NFAT5: variants seen among roughly 807,000 people sequenced by gnomAD.
NFAT5 encodes the protein nuclear factor of activated T cells 5.
Under a neutral mutation model 166.5 loss-of-function variants are expected in NFAT5, and 31 were observed. That is an observed-to-expected ratio of 0.19 (90% CI 0.14 to 0.25). NFAT5 has a LOEUF of 0.25. Among genes scored for constraint, NFAT5 ranks in the 10% least tolerant of loss-of-function variants. NFAT5 has a pLI of 1.00. For missense variants in NFAT5, 1,449 were observed against 1,821.8 expected, an observed-to-expected ratio of 0.80 and a Z score of 3.72; for synonymous variants, 612 against 639.7, an observed-to-expected ratio of 0.96 and a Z score of 0.65.
Position 69,623,006 on chromosome 16 carries a change from A to G in NFAT5, c.128-3397A>G, listed in dbSNP as rs541896723. Among the ~76,000 whole-genome samples, 10 of 152,236 alleles carry G rather than the reference A, an allele frequency of 6.6e-5. No homozygotes were observed. The South Asian group carries it at 1.9e-3, about 28-fold the overall frequency. On this transcript the variant is annotated intron_variant, in intron 2 of 14. Coordinates refer to ENST00000349945, the MANE Select transcript of NFAT5 (RefSeq NM_138713.4). ...ATTAAGAATACAAAATTAGCCAGGC[A>G]TAGTGGTGTATGCCTATAATCTCAG... is the stretch of plus-strand genomic sequence containing the variant.
intron 11 of NFAT5, among the ~76,000 whole-genome samples, chr16:69,688,217 A>AAAAAAAAAC: frequency 6.8e-6 from 1 of 147,306 alleles, no homozygotes; most frequent in African/African-American, 2.5e-5. Flanking sequence ...AAAAAAAAAA[A>AAAAAAAAAC]AAAAAAAAAC....
rs756012319 is a variant in NFAT5 at position 69,690,954 on chromosome 16, G to A, written c.1789G>A (p.Gly597Arg). The stretch of plus-strand genomic sequence containing the variant: ...TGTATATGCAGCAATGAAAACTACT[G>A]GATGTAATTTAGATAAGGTAAATAT... Reference protein sequence around the residue: ...EEAMKAMKTTGCNLDKVNIIP... With the variant: ...EEAMKAMKTTRCNLDKVNIIP... The change falls in exon 12 of 15, where the codon GGA becomes AGA. Residue 597 changes from glycine to arginine, a missense_variant. Gly to Arg is a moderately radical substitution (Grantham distance 125). Coordinates refer to ENST00000349945, the MANE Select transcript of NFAT5 (RefSeq NM_138713.4). The A allele has an allele frequency of 6.4e-7, 1 of 1,564,808 alleles. No individual in the cohort carries two copies. The highest frequency in any genetic ancestry group is 1.3e-5 in the South Asian group (1 of 79,792).
chr16:69,594,723 CTATTG>C (rs560226453), intron 2 of NFAT5, among the ~76,000 whole-genome samples: 2 of 152,086 alleles, frequency 1.3e-5, no homozygotes, highest in African/African-American at 4.8e-5. Context: ...ATAATAATAA[CTATTG>C]TATTGTCAGG....
chr16:69,593,218 CT>C (rs754882022), intron 2 of NFAT5, among the ~76,000 whole-genome samples: 2 of 152,086 alleles, frequency 1.3e-5, no homozygotes, highest in African/African-American at 2.4e-5. Context: ...TACTGAGTTT[CT>C]GTCTTTATCT....
chr16:69,580,652 A>G (rs1349327304), intron 2 of NFAT5, among the ~76,000 whole-genome samples: 2 of 152,132 alleles, frequency 1.3e-5, no homozygotes, highest in East Asian at 1.9e-4. Context: ...TTTAGGATGA[A>G]ATCCAAATTC....
chr16:69,580,978 G>C (rs552843333), intron 2 of NFAT5, among the ~76,000 whole-genome samples: 14 of 152,054 alleles, frequency 9.2e-5, no homozygotes, highest in Non-Finnish European at 1.8e-4. Context: ...TTAAAACCTG[G>C]GTCCTCATTA....
At chr16:69,681,560 T>C (rs1254216708) in intron 10 of NFAT5, among the ~76,000 whole-genome samples, 2 of 152,178 alleles carry the variant, frequency 1.3e-5, no homozygotes, top group Non-Finnish European at 2.9e-5. Flanking sequence ...CTTTGATACC[T>C]TAATCAGTGT....
At chr16:69,626,124 A>C (rs1383007935) in intron 2 of NFAT5, among the ~76,000 whole-genome samples, 3 of 151,668 alleles carry the variant, frequency 2.0e-5, no homozygotes, top group African/African-American at 4.8e-5. Flanking sequence ...AAAAAAAAAA[A>C]AAAACCTTTT....
chr16:69,695,124 A>T lies in NFAT5; in HGVS notation c.4415-12A>T, dbSNP rs1172860866. ...GTCAGCTTTTAAGCTTCTGTTTTCA[A>T]TGTCTCTGCAGACTGTAGTCAGCTT... On this transcript the variant is annotated splice_polypyrimidine_tract_variant and intron_variant, in intron 13 of 14. Coordinates refer to ENST00000349945, the MANE Select transcript of NFAT5 (RefSeq NM_138713.4). 1.9e-6 allele frequency: 3 copies of T among 1,597,734 alleles called. No homozygotes were observed. The highest frequency in any genetic ancestry group is 2.6e-6 in the Non-Finnish European group (3 of 1,165,768).
Position 69,693,412 on chromosome 16 carries a change from A to G in NFAT5, c.3587A>G (p.Gln1196Arg), listed in dbSNP as rs1567615808. The G allele has an allele frequency of 1.9e-6, 3 of 1,614,226 alleles. No homozygotes were observed. Among genetic ancestry groups the G allele is most frequent in the Non-Finnish European group, 1.7e-6 (2 of 1,180,042 alleles). Residue 1196 changes from glutamine to arginine, a missense_variant, in exon 13 of 15, where the codon CAA (glutamine) becomes CGA (arginine). By Grantham distance (43) the Gln-to-Arg change is conservative. Coordinates refer to ENST00000349945, the MANE Select transcript of NFAT5 (RefSeq NM_138713.4). The stretch of plus-strand genomic sequence containing the variant: ...CTTCAGTCAACATCAAACAGTGAAC[A>G]ACAAGCTGCTTTCCAACAGCAAGCT... The part of the protein sequence containing the change: ...SPLQSTSNSE[Q>R]QAAFQQQAPI...
At chr16:69,652,009 G>GT (rs909695912) in intron 4 of NFAT5, among the ~76,000 whole-genome samples, 1 of 152,046 alleles carries the variant, frequency 6.6e-6, no homozygotes, top group Admixed American at 6.5e-5. Flanking sequence ...GTTTTTACTT[G>GT]TTTTTATTAT....
chr16:69,659,893 T>C lies in NFAT5; in HGVS notation c.1363T>C (p.Leu455=), dbSNP rs150917774. The change falls in exon 7 of 15, where the codon TTG becomes CTG. Residue 455 remains leucine, a synonymous_variant. Coordinates refer to ENST00000349945, the MANE Select transcript of NFAT5 (RefSeq NM_138713.4). ...LTLQTPSSPI[L]CTQPAGVPEI... The stretch of plus-strand genomic sequence containing the variant: ...ACTGCAAACACCCTCTTCTCCAATT[T>C]TGTGTAGTAAGTAAGAAGATACGGA... 8.2e-5 allele frequency: 131 copies of C among 1,603,528 alleles called. No homozygotes were observed. In the African/African-American group the frequency reaches 1.7e-3, roughly 20 times the overall value.
intron 2 of NFAT5, among the ~76,000 whole-genome samples, chr16:69,573,124 G>T (rs1006920390): frequency 6.6e-6 from 1 of 152,202 alleles, no homozygotes; most frequent in Non-Finnish European, 1.5e-5. Context: ...TTACGGGCAT[G>T]TGCCACCGCA....
chr16:69,648,858 A>C, intron 4 of NFAT5: 1 of 918,796 alleles, frequency 1.1e-6, no homozygotes, highest in Non-Finnish European at 1.3e-6. Flanking sequence ...TATTATAGAG[A>C]ATATTCTTAA....
chr16:69,679,876 C>T lies in NFAT5; in HGVS notation c.1690+2541C>T, dbSNP rs979061672. The stretch of plus-strand genomic sequence containing the variant: ...ACGCCTGTAATCCCCGCCAGCACTT[C>T]GGGAGGCCAAGGCAGGTGGATTACA... On this transcript the variant is annotated intron_variant, in intron 10 of 14. Transcript: ENST00000349945. Among the ~76,000 whole-genome samples, 16 of 152,184 alleles carry T rather than the reference C, an allele frequency of 1.1e-4. 2 individuals are homozygous for T. Among genetic ancestry groups the T allele is most frequent in the East Asian group, 3.9e-4 (2 of 5,158 alleles).
At chr16:69,684,392 C>T (rs1040280301) in intron 10 of NFAT5, among the ~76,000 whole-genome samples, 4 of 151,218 alleles carry the variant, frequency 2.6e-5, no homozygotes, top group African/African-American at 7.3e-5. Context: ...AACCTTGTCT[C>T]TACTAAAAAT....
At chr16:69,617,448 A>C (rs907657639) in intron 2 of NFAT5, among the ~76,000 whole-genome samples, 6 of 151,936 alleles carry the variant, frequency 3.9e-5, no homozygotes, top group Middle Eastern at 3.2e-3. Context: ...GGTATATTCC[A>C]TTCTGTCTTT....
intron 3 of NFAT5, among the ~76,000 whole-genome samples, chr16:69,636,987 T>G (rs1567561524): frequency 6.6e-6 from 1 of 152,238 alleles, no homozygotes; most frequent in Non-Finnish European, 1.5e-5. Context: ...ACTTGTATGC[T>G]TTGCTTCCCT....
At chr16:69,598,104 T>C (rs1030412253) in intron 2 of NFAT5, among the ~76,000 whole-genome samples, 4 of 152,090 alleles carry the variant, frequency 2.6e-5, no homozygotes, top group African/African-American at 9.7e-5. Flanking sequence ...TTAAAATATT[T>C]GGGTGTGGTG....
Sources: gnomAD v4.1 joint callset for allele counts (sites outside exome capture counted in the v4.1 genomes callset) on GRCh38, gnomAD v4.1.1 for gene constraint, MANE v1.5 for transcripts, NCBI Gene and HGNC (gene_info 2026-07-23, HGNC 2026-07-21) for gene names.